Variants in TTBK2 observed in about 807,000 individuals in gnomAD.
TTBK2 encodes the protein tau-tubulin kinase 2.
In TTBK2, 28 loss-of-function variants were observed where a neutral mutation model predicts 110.8. The ratio of observed to expected loss-of-function variants is 0.25; its 90% CI spans 0.19 to 0.35. TTBK2 has a LOEUF of 0.35. TTBK2 is among the 10% of genes least tolerant of loss of function. The pLI, the probability that TTBK2 is intolerant of heterozygous loss-of-function variation, is 1.00. For missense variants in TTBK2, 1,369 were observed against 1,500.3 expected (o/e 0.91, Z 1.45); for synonymous variants, 532 against 527.3 (o/e 1.01, Z -0.12).
At chr15:42,769,514 A>G (rs1268772446) in intron 13 of TTBK2, among the ~76,000 whole-genome samples, 1 of 152,244 alleles carries the variant, frequency 6.6e-6, no homozygotes, top group African/African-American at 2.4e-5. Flanking sequence ...AAAAATGCTC[A>G]TCATCACTGG....
At chr15:42,881,944 A>T (rs1411455865) in intron 1 of TTBK2, among the ~76,000 whole-genome samples, 2 of 152,184 alleles carry the variant, frequency 1.3e-5, no homozygotes, top group Non-Finnish European at 2.9e-5. Flanking sequence ...GATGGGGTCA[A>T]TAGAAAAATG....
chr15:42,872,652 T>C lies in TTBK2; in HGVS notation c.176A>G (p.Gln59Arg). 1 of 1,614,174 alleles carries C rather than the reference T, an allele frequency of 6.2e-7. No individual in the cohort carries two copies. The highest frequency in any genetic ancestry group is 8.5e-7 in the Non-Finnish European group (1 of 1,180,030). The change falls in exon 3 of 15, where the codon CAA (glutamine) becomes CGA (arginine). Residue 59 changes from glutamine (Q) to arginine (R), a missense_variant. By Grantham distance (43) the Gln-to-Arg change is conservative. Transcript: ENST00000267890. ...LKVESAQQPK[Q>R]VLKMEVAVLK... Reference sequence around the variant, plus strand: ...AACAGCAACTTCCATTTTCAGAACTTGTTTTGGTTGTTGAGCTGATTCCAC... The same window carrying C: ...AACAGCAACTTCCATTTTCAGAACTCGTTTTGGTTGTTGAGCTGATTCCAC...
At position 42,743,842 on chromosome 15, in the gene TTBK2, A is replaced by T. The variant is rs986974895; in HGVS notation, c.*1953T>A. 5 of 151,836 alleles carry T rather than the reference A, an allele frequency of 3.3e-5. No individual in the cohort carries two copies. Among genetic ancestry groups the T allele is most frequent in the African/African-American group, 1.2e-4 (5 of 41,442 alleles). The allele number at this position is 151,836 out of a possible 1,614,324, so 9.4% of individuals were successfully genotyped here. A position where few individuals can be genotyped will look rare whatever the true frequency, so the allele number is the denominator to read the frequency against. On this transcript the variant is annotated 3_prime_UTR_variant, in exon 15 of 15. Coordinates refer to ENST00000267890, the MANE Select transcript of TTBK2 (RefSeq NM_173500.4). ...CTCTGAGGTGTCACATGCCAAGAAC[A>T]TAGTTTCAGAAAATGAAGATAGGCA...
At chr15:42,810,454 T>G (rs2140924537) in intron 9 of TTBK2, among the ~76,000 whole-genome samples, 160 bp downstream of exon 9, 1 of 152,298 alleles carries the variant, frequency 6.6e-6, no homozygotes, top group African/African-American at 2.4e-5. Context: ...GCTGACACTC[T>G]CATCATAAGT....
rs976908414 is a variant in TTBK2 at position 42,739,859 on chromosome 15, A to C, written c.*5936T>G. On this transcript the variant is annotated 3_prime_UTR_variant, in exon 15 of 15. Coordinates refer to ENST00000267890, the MANE Select transcript of TTBK2 (RefSeq NM_173500.4). ...CCCACACAGAGTTCAGATGTGGTGA[A>C]ATGCTGGGCATTGATTCCTCAGGAT... 1 of 152,186 alleles carries C rather than the reference A, an allele frequency of 6.6e-6. No homozygotes were observed. Among genetic ancestry groups the C allele is most frequent in the African/African-American group, 2.4e-5 (1 of 41,450 alleles). The allele number at this position is 152,186 out of a possible 1,614,324, so 9.4% of individuals were successfully genotyped here. A position where few individuals can be genotyped will look rare whatever the true frequency, so the allele number is the denominator to read the frequency against.
chr15:42,840,646 T>C (rs1893184062), intron 3 of TTBK2: 2 of 639,864 alleles, frequency 3.1e-6, no homozygotes, highest in Admixed American at 2.4e-5. Flanking sequence ...AAATGACTAT[T>C]TGAATGAATA....
Position 42,877,246 on chromosome 15 carries a change from C to T in TTBK2, c.69+1303G>A, listed in dbSNP as rs572192187. 4.6e-5 allele frequency among the ~76,000 whole-genome samples: 7 copies of T among 152,110 alleles called. No individual in the cohort carries two copies. The South Asian group carries it at 8.3e-4, about 18-fold the overall frequency. ...TAACACCACAAAAAAGATAGACAGA[C>T]GGACAATAAGATATTATATGCCTCC... is the stretch of plus-strand genomic sequence containing the variant. On this transcript the variant is annotated intron_variant, in intron 2 of 14. Coordinates refer to ENST00000267890, the MANE Select transcript of TTBK2 (RefSeq NM_173500.4).
At chr15:42,844,719 C>T (rs1893376055) in intron 3 of TTBK2, among the ~76,000 whole-genome samples, 2 of 152,214 alleles carry the variant, frequency 1.3e-5, no homozygotes, top group African/African-American at 4.8e-5. Flanking sequence ...AGGGAGGTTA[C>T]TTTGTCCAAA....
At chr15:42,914,592 G>A (rs561449033) in intron 1 of TTBK2, among the ~76,000 whole-genome samples, 4 of 152,314 alleles carry the variant, frequency 2.6e-5, no homozygotes, top group African/African-American at 9.6e-5. Context: ...ATTGGAGGGA[G>A]AGTGGGGACT....
At position 42,763,122 on chromosome 15, in the gene TTBK2, A is replaced by G. The variant is rs1259200611; in HGVS notation, c.1999-9875T>C. ...TATATACGTATATATATATATACAC[A>G]TATATATACATATATACATACATAT... On this transcript the variant is annotated intron_variant, in intron 13 of 14. Coordinates refer to ENST00000267890, the MANE Select transcript of TTBK2 (RefSeq NM_173500.4). Among the ~76,000 whole-genome samples the G allele has an allele frequency of 5.6e-3, 600 of 106,702 alleles. 33 individuals carry two copies. The highest frequency in any genetic ancestry group is 0.028 in the African/African-American group (557 of 19,654). 70.0% of individuals were successfully genotyped at this position (106,702 alleles called of 152,430 possible).
chr15:42,823,087 CAG>C (rs1892376743), intron 6 of TTBK2, among the ~76,000 whole-genome samples: 1 of 152,128 alleles, frequency 6.6e-6, no homozygotes, highest in South Asian at 2.1e-4. Flanking sequence ...GAAATACTAA[CAG>C]AGAAAAAAGA....
At chr15:42,836,046 A>C (rs1892972468) in intron 4 of TTBK2, among the ~76,000 whole-genome samples, 1 of 152,208 alleles carries the variant, frequency 6.6e-6, no homozygotes, top group Non-Finnish European at 1.5e-5. Flanking sequence ...TAGTTGATGT[A>C]CTTATCACAA....
chr15:42,916,268 G>C (rs1325237637), intron 1 of TTBK2, among the ~76,000 whole-genome samples: 3 of 151,944 alleles, frequency 2.0e-5, no homozygotes, highest in Non-Finnish European at 4.4e-5. Flanking sequence ...TTTTTCTTTG[G>C]TTATTCATTT....
chr15:42,808,701 A>T (rs1344149582), intron 9 of TTBK2, among the ~76,000 whole-genome samples: 1 of 152,000 alleles, frequency 6.6e-6, no homozygotes, highest in African/African-American at 2.4e-5. Flanking sequence ...AAAATAAAAA[A>T]AAAAAGCCAG....
At chr15:42,844,052 T>C (rs576827906) in intron 3 of TTBK2, among the ~76,000 whole-genome samples, 1 of 152,194 alleles carries the variant, frequency 6.6e-6, no homozygotes, top group South Asian at 2.1e-4. Context: ...TTGAGAAATA[T>C]CACACATCAT....
chr15:42,870,070 A>G (rs1410916468), intron 3 of TTBK2, among the ~76,000 whole-genome samples: 2 of 152,062 alleles, frequency 1.3e-5, no homozygotes, highest in African/African-American at 4.8e-5. Flanking sequence ...GCTACTTGGG[A>G]GGCTGAGGCA....
chr15:42,899,155 G>T (rs550707676), intron 1 of TTBK2, among the ~76,000 whole-genome samples: 1 of 150,872 alleles, frequency 6.6e-6, no homozygotes, highest in Non-Finnish European at 1.5e-5. Flanking sequence ...ACCTTGCCTG[G>T]CTAATTTTTT....
intron 3 of TTBK2, among the ~76,000 whole-genome samples, chr15:42,870,956 C>T (rs1894591549): frequency 6.6e-6 from 1 of 151,982 alleles, no homozygotes; most frequent in South Asian, 2.1e-4. Context: ...TGGTTAAATA[C>T]CTTTTCCTTA....
intron 7 of TTBK2, among the ~76,000 whole-genome samples, chr15:42,816,327 G>C (rs1250001613): frequency 6.6e-6 from 1 of 150,686 alleles, no homozygotes; most frequent in Non-Finnish European, 1.5e-5. Flanking sequence ...ATGCTGGTCA[G>C]GCTGGTCTCA....
Sources: allele counts gnomAD v4.1 joint callset (sites outside exome capture counted in the v4.1 genomes callset), GRCh38; gene constraint gnomAD v4.1.1; transcripts MANE v1.5; gene names NCBI Gene and HGNC (gene_info 2026-07-23, HGNC 2026-07-21).